KSR2: variants seen among roughly 807,000 people sequenced by gnomAD.
The protein encoded by KSR2 is kinase suppressor of ras 2.
A neutral mutation model predicts 107.8 loss-of-function variants in KSR2; 25 were observed. The ratio of observed to expected loss-of-function variants is 0.23; its 90% CI spans 0.17 to 0.32. The LOEUF (loss-of-function observed/expected upper bound fraction) is 0.32. Ranked by LOEUF, KSR2 falls within the 10% of genes least tolerant of loss-of-function variation. KSR2 has a pLI of 1.00. For missense variants in KSR2, 887 were observed against 1,268.9 expected (o/e 0.70, Z 4.57); for synonymous variants, 480 against 507.0 (o/e 0.95, Z 0.71).
Position 117,498,514 on chromosome 12 carries a change from C to A in KSR2, c.2220-12823G>T, listed in dbSNP as rs114887718. ...CTCTTGGAATGAGTGCATGGATAAACAGAGCAATGAATGACTCCTATCCTT... is the reference window on the plus strand; with the variant it reads ...CTCTTGGAATGAGTGCATGGATAAAAAGAGCAATGAATGACTCCTATCCTT... On this transcript the variant is annotated intron_variant, in intron 14 of 19. Transcript: ENST00000339824. Among the ~76,000 whole-genome samples the A allele has an allele frequency of 6.4e-3, 978 of 152,252 alleles. 7 individuals carry two copies. Among genetic ancestry groups the A allele is most frequent in the African/African-American group, 0.021 (890 of 41,540 alleles).
intron 4 of KSR2, among the ~76,000 whole-genome samples, chr12:117,752,753 G>C (rs1888654226): frequency 6.6e-6 from 1 of 152,144 alleles, no homozygotes; most frequent in African/African-American, 2.4e-5. Context: ...TTAATACTGA[G>C]CTTCTCCTGC....
At chr12:117,731,919 C>T (rs1887736314) in intron 4 of KSR2, among the ~76,000 whole-genome samples, 1 of 140,028 alleles carries the variant, frequency 7.1e-6, no homozygotes, top group Admixed American at 7.8e-5. Context: ...GGGTCCTGTG[C>T]CTAGGAAAAC....
In KSR2 at chr12:117,539,726, G is replaced by C. The variant is rs1876333863; in HGVS notation, c.1680C>G (p.Asn560Lys). The C allele has an allele frequency of 6.3e-7, 1 of 1,598,484 alleles. No homozygotes were observed. The highest frequency in any genetic ancestry group is 8.5e-7 in the Non-Finnish European group (1 of 1,173,586). ...PQCTRQQKNF[N>K]LPASHYYKYK... ...CCCCAAGCATGGAGGTACCTGGCAG[G>C]TTGAAGTTCTTCTGCTGCCGTGTGC... The change falls in exon 10 of 20, where the codon AAC (asparagine) becomes AAG (lysine). Residue 560 changes from asparagine (N) to lysine (K), a missense_variant. This residue lies in a region of KSR2 where 50 missense variants were observed against 43.4 expected (regional missense o/e 1.15). Coordinates refer to ENST00000339824, the MANE Select transcript of KSR2 (RefSeq NM_173598.6).
intron 3 of KSR2, among the ~76,000 whole-genome samples, chr12:117,814,066 G>C (rs1351608150): frequency 1.3e-5 from 2 of 152,176 alleles, no homozygotes; most frequent in Non-Finnish European, 2.9e-5. Flanking sequence ...CAAAATAGTT[G>C]ATCTCATAGA....
At chr12:117,524,300 G>A (rs1023421571) in intron 14 of KSR2, among the ~76,000 whole-genome samples, 3 of 152,178 alleles carry the variant, frequency 2.0e-5, no homozygotes, top group Non-Finnish European at 4.4e-5. Flanking sequence ...AATAGAGGGG[G>A]AACTAGACCC....
At chr12:117,762,436 G>C (rs374935375) in intron 3 of KSR2, among the ~76,000 whole-genome samples, 1 of 152,144 alleles carries the variant, frequency 6.6e-6, no homozygotes, top group Non-Finnish European at 1.5e-5. Flanking sequence ...AGACACAAAA[G>C]CAACACAGAT....
At chr12:117,832,806 C>A (rs142397984) in intron 3 of KSR2, among the ~76,000 whole-genome samples, 5 of 152,246 alleles carry the variant, frequency 3.3e-5, no homozygotes, top group African/African-American at 7.2e-5. Flanking sequence ...CATCCACCAG[C>A]CTTACCTAGG....
intron 2 of KSR2, among the ~76,000 whole-genome samples, chr12:117,856,764 G>A (rs1259148778): frequency 1.3e-5 from 2 of 152,110 alleles, no homozygotes; most frequent in Non-Finnish European, 2.9e-5. Flanking sequence ...AATAGCCTAC[G>A]GATGGTGTTT....
intron 5 of KSR2, among the ~76,000 whole-genome samples, chr12:117,597,117 C>G (rs1880695316): frequency 6.6e-6 from 1 of 152,136 alleles, no homozygotes. Context: ...GCAGATGTCT[C>G]AAACAAGAGA....
chr12:117,868,137 T>C lies in KSR2; in HGVS notation c.181-7706A>G, dbSNP rs191022215. On this transcript the variant is annotated intron_variant, in intron 1 of 19. Transcript: ENST00000339824. ...AGAGTAAATGAAATAAATATAACAA[T>C]AAAAATACGGCCGGGCACAGTGGCT... Among the ~76,000 whole-genome samples the C allele has an allele frequency of 1.9e-3, 284 of 152,170 alleles. 2 individuals carry two copies. The highest frequency in any genetic ancestry group is 6.6e-3 in the African/African-American group (274 of 41,526).
intron 3 of KSR2, among the ~76,000 whole-genome samples, chr12:117,767,134 C>A (rs1889261516): frequency 6.6e-6 from 1 of 151,668 alleles, no homozygotes; most frequent in African/African-American, 2.4e-5. Context: ...AAAAATTAGG[C>A]CAGGCGCGGT....
chr12:117,807,907 C>A (rs1891066964), intron 3 of KSR2, among the ~76,000 whole-genome samples: 1 of 152,230 alleles, frequency 6.6e-6, no homozygotes, highest in Non-Finnish European at 1.5e-5. Flanking sequence ...TTTCCAGCCC[C>A]CTCCAGTCAA....
At chr12:117,486,320 T>C (rs1333508016) in intron 14 of KSR2, among the ~76,000 whole-genome samples, 2 of 152,180 alleles carry the variant, frequency 1.3e-5, no homozygotes, top group Non-Finnish European at 2.9e-5. Context: ...AAAAAGGACA[T>C]TATGCACTGA....
intron 4 of KSR2, among the ~76,000 whole-genome samples, chr12:117,743,085 A>C (rs1449493996): frequency 6.6e-6 from 1 of 152,316 alleles, no homozygotes; most frequent in South Asian, 2.1e-4. Flanking sequence ...AGAGCATCCG[A>C]CCTCCAGCTT....
chr12:117,472,525 AT>A (rs996889539), intron 17 of KSR2, among the ~76,000 whole-genome samples: 7 of 152,146 alleles, frequency 4.6e-5, no homozygotes, highest in African/African-American at 1.7e-4. Context: ...CCACTCTAAG[AT>A]TTCATGTAAG....
chr12:117,804,205 G>A (rs180873036), intron 3 of KSR2, among the ~76,000 whole-genome samples: 31 of 152,234 alleles, frequency 2.0e-4, no homozygotes, highest in Admixed American at 4.6e-4. Context: ...CACCACGCCC[G>A]GCTAATTTTG....
chr12:117,709,396 C>T (rs1247360738), intron 4 of KSR2, among the ~76,000 whole-genome samples: 1 of 152,136 alleles, frequency 6.6e-6, no homozygotes, highest in African/African-American at 2.4e-5. Flanking sequence ...TGCAGTGGTG[C>T]AATCATAGCT....
intron 1 of KSR2, among the ~76,000 whole-genome samples, chr12:117,929,879 T>G (rs1412837371): frequency 3.3e-5 from 5 of 152,136 alleles, no homozygotes; most frequent in African/African-American, 1.2e-4. Context: ...AGAGTTCTTG[T>G]TTAATGAGGA....
chr12:117,702,706 C>T (rs1244706319), intron 4 of KSR2, among the ~76,000 whole-genome samples: 1 of 152,148 alleles, frequency 6.6e-6, no homozygotes, highest in Non-Finnish European at 1.5e-5. Context: ...ATCCCCTCTT[C>T]CCCCACCAAG....
Sources: allele counts gnomAD v4.1 joint callset (sites outside exome capture counted in the v4.1 genomes callset), GRCh38; gene constraint gnomAD v4.1.1; regional missense constraint gnomAD v4.1.1; transcripts MANE v1.5; gene names NCBI Gene and HGNC (gene_info 2026-07-23, HGNC 2026-07-21).